Variants in ZDHHC1 observed in about 807,000 individuals in gnomAD.
The protein encoded by ZDHHC1 is palmitoyltransferase ZDHHC1.
In ZDHHC1, 45 loss-of-function variants were observed where a neutral mutation model predicts 46.9. That is an observed-to-expected ratio of 0.96 (90% CI 0.76 to 1.23). ZDHHC1 has a LOEUF of 1.23. Among genes scored for constraint, ZDHHC1 ranks in the 50% most tolerant of loss-of-function variants. ZDHHC1 has a pLI of 0.00. For missense variants in ZDHHC1, 649 were observed against 670.8 expected, an observed-to-expected ratio of 0.97 and a Z score of 0.36; for synonymous variants, 291 against 286.0, an observed-to-expected ratio of 1.02 and a Z score of -0.18.
chr16:67,396,405 GC>G (rs2040433534), intron 8 of ZDHHC1: 1 of 152,288 alleles, frequency 6.6e-6, no homozygotes, highest in South Asian at 2.1e-4. Flanking sequence ...GTTGCCGGGA[GC>G]ACCCGGACAG....
chr16:67,398,742 C>T lies in ZDHHC1; in HGVS notation c.656-11G>A. On this transcript the variant is annotated splice_polypyrimidine_tract_variant and intron_variant, in intron 6 of 11. Transcript: ENST00000565726. Reference sequence around the variant, plus strand: ...TGTGATTCTTCAGGACTGCAAGGCACAGGCAGTGTGTGCTCAGCCGGGGAC... The same window carrying T: ...TGTGATTCTTCAGGACTGCAAGGCATAGGCAGTGTGTGCTCAGCCGGGGAC... 2.5e-6 allele frequency: 4 copies of T among 1,610,600 alleles called. No homozygotes were observed. The highest frequency in any genetic ancestry group is 3.4e-6 in the Non-Finnish European group (4 of 1,178,774).
intron 8 of ZDHHC1, 125 bp downstream of exon 8, chr16:67,398,087 G>A (rs1012444207): frequency 7.6e-6 from 7 of 923,472 alleles, no homozygotes; most frequent in Admixed American, 4.3e-5. Context: ...GCACAAGCCC[G>A]GTCCCTGCTG....
At chr16:67,395,898 G>C (rs1209417921) in intron 8 of ZDHHC1, 3 of 317,264 alleles carry the variant, frequency 9.5e-6, no homozygotes, top group Non-Finnish European at 1.2e-5. Flanking sequence ...ACCTGCTCCT[G>C]GTGTCCCCAG....
chr16:67,394,943 C>A, intron 11 of ZDHHC1, 50 bp from the exon 12 acceptor site: 1 of 1,560,506 alleles, frequency 6.4e-7, no homozygotes, highest in Non-Finnish European at 8.7e-7. Flanking sequence ...TCGCTTGTGG[C>A]TCTGCCTTCC....
Position 67,408,748 on chromosome 16 carries a change from A to G in ZDHHC1, c.-38-935T>C, listed in dbSNP as rs1268844144. The stretch of plus-strand genomic sequence containing the variant: ...CGATCTTCCCACTTTATCCTCCCAA[A>G]GCACTGAGATTACATGCATGACCCA... On this transcript the variant is annotated intron_variant, in intron 1 of 11. Transcript: ENST00000565726. Among the ~76,000 whole-genome samples the G allele has an allele frequency of 2.0e-5, 3 of 152,190 alleles. No individual in the cohort carries two copies. The East Asian group carries it at 5.8e-4, about 29-fold the overall frequency.
Position 67,395,487 on chromosome 16 carries a change from G to C in ZDHHC1, c.1007C>G (p.Ala336Gly), listed in dbSNP as rs143510690. 1 of 1,553,066 alleles carries C rather than the reference G, an allele frequency of 6.4e-7. No individual in the cohort carries two copies. Among genetic ancestry groups the C allele is most frequent in the African/African-American group, 1.4e-5 (1 of 73,370 alleles). ...PGQAGPAAVN[A>G]NPSQFLATRG... The stretch of plus-strand genomic sequence containing the variant: ...CACATGCCCAGGTTGCACTCACTTG[G>C]CATTCACTGCTGCTGGCCCGGCCTG... Residue 336 changes from alanine (A) to glycine (G), a missense_variant, in exon 9 of 12, where the codon GCC (alanine) becomes GGC (glycine). Ala to Gly is a moderately conservative substitution (Grantham distance 60, BLOSUM62 0). Coordinates refer to ENST00000565726, the MANE Select transcript of ZDHHC1 (RefSeq NM_001323627.2).
At chr16:67,396,756 C>A (rs927840481) in intron 8 of ZDHHC1, among the ~76,000 whole-genome samples, 1 of 152,208 alleles carries the variant, frequency 6.6e-6, no homozygotes, top group African/African-American at 2.4e-5. Context: ...CACTCTCCCC[C>A]ACACCTCTTT....
At position 67,399,078 on chromosome 16, in the gene ZDHHC1, G is replaced by A. The variant is rs901493548; in HGVS notation, c.531-134C>T. 1.7e-5 allele frequency: 22 copies of A among 1,296,894 alleles called. No homozygotes were observed. The African/African-American group carries it at 3.3e-4, about 19-fold the overall frequency. 80.3% of individuals were successfully genotyped at this position (1,296,894 alleles called of 1,614,324 possible). On this transcript the variant is annotated intron_variant, in intron 5 of 11. Coordinates refer to ENST00000565726, the MANE Select transcript of ZDHHC1 (RefSeq NM_001323627.2). ...ACCCCACAGCCCCAACTCCTCAGAA[G>A]CCAAAGGCATACGGCAAAACTGAAG...
chr16:67,398,124 T>C, intron 8 of ZDHHC1, 88 bp downstream of exon 8: 2 of 1,348,004 alleles, frequency 1.5e-6, no homozygotes, highest in East Asian at 4.6e-5. Flanking sequence ...CAGGCTTGCC[T>C]CCCTTGCCCT....
Position 67,406,777 on chromosome 16 carries a change from G to C in ZDHHC1, c.10-335C>G, listed in dbSNP as rs2040669629. ...ACCCAATAAGACATGTTCTCATCTG[G>C]TAACAATATCAGGCTGGGGCCAGAG... On this transcript the variant is annotated intron_variant, in intron 2 of 11. Coordinates refer to ENST00000565726, the MANE Select transcript of ZDHHC1 (RefSeq NM_001323627.2). The surrounding 1 kb of genome is among the most constrained non-coding windows in gnomAD (Gnocchi z 4.1). Among the ~76,000 whole-genome samples the C allele has an allele frequency of 6.6e-6, 1 of 152,206 alleles. No individual in the cohort carries two copies. Among genetic ancestry groups the C allele is most frequent in the Non-Finnish European group, 1.5e-5 (1 of 68,034 alleles).
intron 8 of ZDHHC1, 154 bp from the exon 9 acceptor site, chr16:67,395,720 T>A: frequency 1.3e-6 from 1 of 742,344 alleles, no homozygotes; most frequent in Non-Finnish European, 2.2e-6. Flanking sequence ...ACCCCATCTG[T>A]AGGGTAAGGC....
chr16:67,414,677 C>T (rs1409068712), intron 1 of ZDHHC1, among the ~76,000 whole-genome samples: 1 of 152,192 alleles, frequency 6.6e-6, no homozygotes, highest in African/African-American at 2.4e-5. Flanking sequence ...TGTGACTGGC[C>T]TCTCACTTCC....
rs1351607592 is a variant in ZDHHC1, at chr16:67,416,205, G to C, written c.-73C>G. On this transcript the variant is annotated 5_prime_UTR_variant, in exon 1 of 12. Coordinates refer to ENST00000565726, the MANE Select transcript of ZDHHC1 (RefSeq NM_001323627.2). ...GCGGAGGCCGTGCCAGATGGGCCCTGCCAAAGTCAGCCAGAGGTTCGGGCC... is the reference window on the plus strand; with the variant it reads ...GCGGAGGCCGTGCCAGATGGGCCCTCCCAAAGTCAGCCAGAGGTTCGGGCC... 6.5e-6 allele frequency: 1 copy of C among 152,820 alleles called. No individual in the cohort carries two copies. Among genetic ancestry groups the C allele is most frequent in the Non-Finnish European group, 1.5e-5 (1 of 68,394 alleles). 9.5% of individuals were successfully genotyped at this position (152,820 alleles called of 1,614,324 possible). A position where few individuals can be genotyped will look rare whatever the true frequency, so the allele number is the denominator to read the frequency against.
chr16:67,398,757 C>T (rs752241973), intron 6 of ZDHHC1, 26 bp from the exon 7 acceptor site: 1 of 1,611,004 alleles, frequency 6.2e-7, no homozygotes, highest in Admixed American at 1.7e-5. Flanking sequence ...AGTGTGTGCT[C>T]AGCCGGGGAC....
At chr16:67,411,148 G>A (rs751903624) in intron 1 of ZDHHC1, among the ~76,000 whole-genome samples, 1 of 152,010 alleles carries the variant, frequency 6.6e-6, no homozygotes, top group Admixed American at 6.6e-5. Context: ...ACTCTCAAAG[G>A]AACCACACCA....
chr16:67,402,807 A>G (rs1182969350), intron 3 of ZDHHC1, among the ~76,000 whole-genome samples: 1 of 152,114 alleles, frequency 6.6e-6, no homozygotes, highest in East Asian at 1.9e-4. Context: ...TTGTATTTTT[A>G]GTAGAGCCAA....
At chr16:67,398,352 C>A (rs150874973) in intron 7 of ZDHHC1, 28 bp from the exon 8 acceptor site, 59,262 of 1,600,204 alleles carry the variant, frequency 0.037, 1,286 homozygotes, top group Middle Eastern at 0.095. Flanking sequence ...GGGCTCAGTG[C>A]GGTGGAAGGG....
chr16:67,413,276 T>C (rs1430194282), intron 1 of ZDHHC1, among the ~76,000 whole-genome samples: 1 of 152,156 alleles, frequency 6.6e-6, no homozygotes, highest in East Asian at 1.9e-4. Context: ...TATTCCTAAA[T>C]GAACTTTCCG....
In ZDHHC1 at chr16:67,406,408, G is replaced by GC; in HGVS notation, c.43dup (p.Ala15GlyfsTer3). Reference sequence around the variant, plus strand: ...TGCCGTCCACACACTCTTCTCAGGGGCCGTCTTGTTGGAGGGCTTGTTGCA... The same window carrying GC: ...TGCCGTCCACACACTCTTCTCAGGGGCCCGTCTTGTTGGAGGGCTTGTTGCA... On this transcript the variant is annotated frameshift_variant, in exon 3 of 12. Coordinates refer to ENST00000565726, the MANE Select transcript of ZDHHC1 (RefSeq NM_001323627.2). LOFTEE classifies it high-confidence loss of function. This position sits in a 1 kb window ranked among gnomAD's most constrained non-coding sequence, Gnocchi z 4.1. 1 of 1,565,422 alleles carries GC rather than the reference G, an allele frequency of 6.4e-7. No individual in the cohort carries two copies. Among genetic ancestry groups the GC allele is most frequent in the Non-Finnish European group, 8.7e-7 (1 of 1,154,742 alleles).
Sources: allele counts gnomAD v4.1 joint callset (sites outside exome capture counted in the v4.1 genomes callset), GRCh38; gene constraint gnomAD v4.1.1; non-coding constraint Gnocchi (gnomAD v3.1); transcripts MANE v1.5; gene names NCBI Gene and HGNC (gene_info 2026-07-23, HGNC 2026-07-21).